BNC2: variants seen among roughly 807,000 people sequenced by gnomAD.
BNC2 encodes zinc finger protein basonuclin-2.
A neutral mutation model predicts 76.3 loss-of-function variants in BNC2; 20 were observed. The observed-to-expected ratio is 0.26, with a 90% CI of 0.18 to 0.38. BNC2 has a LOEUF of 0.38. BNC2 is among the 10% of genes least tolerant of loss of function. The probability of loss-of-function intolerance (pLI) is 1.00; values close to 1 mark genes in which losing one functional copy is unlikely to be tolerated. For missense variants in BNC2, 1,382 were observed against 1,399.8 expected, an observed-to-expected ratio of 0.99 and a Z score of 0.20; for synonymous variants, 582 against 514.8, an observed-to-expected ratio of 1.13 and a Z score of -1.77.
chr9:16,870,299 C>G (rs961982530), intron 1 of BNC2, among the ~76,000 whole-genome samples: 1 of 152,164 alleles, frequency 6.6e-6, no homozygotes, highest in Non-Finnish European at 1.5e-5. Context: ...CTCGTCCCCC[C>G]AGCCCGTCCC....
At chr9:16,768,776 T>A (rs1825759530) in intron 1 of BNC2, among the ~76,000 whole-genome samples, 1 of 152,166 alleles carries the variant, frequency 6.6e-6, no homozygotes, top group African/African-American at 2.4e-5. Context: ...TTAGGATAAG[T>A]GCTTAAAAAG....
intron 5 of BNC2, among the ~76,000 whole-genome samples, chr9:16,517,153 G>C (rs749258923): frequency 5.3e-5 from 8 of 152,140 alleles, no homozygotes; most frequent in Non-Finnish European, 1.2e-4. Flanking sequence ...CAAATTTATT[G>C]AGGGTTATTT....
intron 3 of BNC2, among the ~76,000 whole-genome samples, chr9:16,684,464 G>A (rs1356875670): frequency 6.6e-6 from 1 of 152,110 alleles, no homozygotes; most frequent in Non-Finnish European, 1.5e-5. Context: ...GTGTGCTAGA[G>A]ATGGCATACC....
chr9:16,527,907 A>ATGAG (rs1233620099), intron 5 of BNC2, among the ~76,000 whole-genome samples: 2 of 152,332 alleles, frequency 1.3e-5, no homozygotes, highest in African/African-American at 4.8e-5. Context: ...CCTGGAGCTC[A>ATGAG]GGTAAGAGGT....
At position 16,531,056 on chromosome 9, in the gene BNC2, C is replaced by T. The variant is rs1219738654; in HGVS notation, c.669+21474G>A. 2.0e-5 allele frequency among the ~76,000 whole-genome samples: 3 copies of T among 152,144 alleles called. No individual in the cohort carries two copies. In the East Asian group the frequency reaches 5.8e-4, roughly 29 times the overall value. On this transcript the variant is annotated intron_variant, in intron 5 of 6. Transcript: ENST00000380672. ...GCTCTATTAAAGATAAACAAGGATG[C>T]CTAGCCTCCCCTGAGATCAAGAGGA...
intron 3 of BNC2, among the ~76,000 whole-genome samples, chr9:16,662,438 C>T (rs1197177344): frequency 6.6e-6 from 1 of 152,116 alleles, no homozygotes; most frequent in African/African-American, 2.4e-5. Flanking sequence ...TAACTCATCA[C>T]AAGAGAAAAT....
chr9:16,734,703 G>A (rs1824613832), intron 2 of BNC2, among the ~76,000 whole-genome samples: 2 of 152,128 alleles, frequency 1.3e-5, no homozygotes, highest in Admixed American at 6.5e-5. Context: ...TTACACATAA[G>A]AACATGATAT....
chr9:16,438,759 C>T (rs1384789124), intron 5 of BNC2, among the ~76,000 whole-genome samples: 1 of 152,036 alleles, frequency 6.6e-6, no homozygotes, highest in Non-Finnish European at 1.5e-5. Context: ...AACATTATCG[C>T]AAAAAACCTA....
In BNC2 at chr9:16,414,384, T is replaced by TA. The variant is rs1189749495; in HGVS notation, c.*4604dup. Reference sequence around the variant, plus strand: ...TCCCTCCAGTCTTTCTGGTATCTTTTATTGCTCATCTTACTCATTTAGATC... The same window carrying TA: ...TCCCTCCAGTCTTTCTGGTATCTTTTAATTGCTCATCTTACTCATTTAGATC... On this transcript the variant is annotated 3_prime_UTR_variant, in exon 7 of 7. Coordinates refer to ENST00000380672, the MANE Select transcript of BNC2 (RefSeq NM_017637.6). 5 of 152,198 alleles carry TA rather than the reference T, an allele frequency of 3.3e-5. No individual in the cohort carries two copies. The highest frequency in any genetic ancestry group is 1.2e-4 in the African/African-American group (5 of 41,454). 9.4% of individuals were successfully genotyped at this position (152,198 alleles called of 1,614,324 possible).
intron 3 of BNC2, among the ~76,000 whole-genome samples, chr9:16,678,860 C>T (rs759604991): frequency 3.3e-5 from 5 of 152,124 alleles, no homozygotes; most frequent in South Asian, 2.1e-4. Flanking sequence ...ATGTCTCCTT[C>T]GGTAGTGCCT....
At chr9:16,454,362 G>GT (rs147190673) in intron 5 of BNC2, among the ~76,000 whole-genome samples, 83,590 of 151,894 alleles carry the variant, frequency 0.55, 25,684 homozygotes, top group African/African-American at 0.82. Context: ...GAGTGCAGTG[G>GT]TGTGATCATA....
At chr9:16,720,143 C>T (rs530471012) in intron 3 of BNC2, among the ~76,000 whole-genome samples, 2 of 152,178 alleles carry the variant, frequency 1.3e-5, no homozygotes, top group East Asian at 1.9e-4. Context: ...CAGCAACACT[C>T]GAGACAGTCC....
intron 3 of BNC2, among the ~76,000 whole-genome samples, chr9:16,658,057 C>T (rs1821981818): frequency 6.6e-6 from 1 of 152,122 alleles, no homozygotes; most frequent in African/African-American, 2.4e-5. Flanking sequence ...GAAGGGATGG[C>T]ATCCATAGCA....
At chr9:16,484,573 C>T (rs1233173517) in intron 5 of BNC2, among the ~76,000 whole-genome samples, 1 of 152,078 alleles carries the variant, frequency 6.6e-6, no homozygotes, top group Non-Finnish European at 1.5e-5. Context: ...TAATGTACAC[C>T]CCAATAAAAT....
chr9:16,472,571 A>T (rs1423975873), intron 5 of BNC2, among the ~76,000 whole-genome samples: 1 of 152,162 alleles, frequency 6.6e-6, no homozygotes, highest in Non-Finnish European at 1.5e-5. Flanking sequence ...TCGCCTATTC[A>T]CTCAGTCCTA....
chr9:16,852,593 T>C (rs1306188593), intron 1 of BNC2, among the ~76,000 whole-genome samples: 1 of 152,054 alleles, frequency 6.6e-6, no homozygotes, highest in East Asian at 1.9e-4. Flanking sequence ...GGCTTCATGG[T>C]GGTGGGAAGA....
At chr9:16,590,659 T>C (rs550290043) in intron 3 of BNC2, among the ~76,000 whole-genome samples, 2 of 152,068 alleles carry the variant, frequency 1.3e-5, no homozygotes, top group African/African-American at 4.8e-5. Context: ...TATGAAAAAT[T>C]CGCCGGGCGT....
intron 1 of BNC2, among the ~76,000 whole-genome samples, chr9:16,855,368 T>C (rs570320593): frequency 2.6e-5 from 4 of 152,308 alleles, no homozygotes; most frequent in Non-Finnish European, 4.4e-5. Context: ...GTAATACCTA[T>C]GGCACCTAAT....
intron 3 of BNC2, among the ~76,000 whole-genome samples, chr9:16,723,761 A>T (rs1824236027): frequency 6.6e-6 from 1 of 152,086 alleles, no homozygotes; most frequent in African/African-American, 2.4e-5. Flanking sequence ...GTATTAATGT[A>T]AATCGTTGAT....
Sources: gnomAD v4.1 joint callset for allele counts (sites outside exome capture counted in the v4.1 genomes callset) on GRCh38, gnomAD v4.1.1 for gene constraint, MANE v1.5 for transcripts, NCBI Gene and HGNC (gene_info 2026-07-23, HGNC 2026-07-21) for gene names.